Variants in PCDHGA6 observed in about 807,000 individuals in gnomAD.
PCDHGA6 encodes the protein protocadherin gamma-A6.
In PCDHGA6, 41 loss-of-function variants were observed where a neutral mutation model predicts 60.6. That is an observed-to-expected ratio of 0.68 (90% CI 0.53 to 0.88). The LOEUF is 0.88. Ranked by LOEUF, PCDHGA6 falls within the 40% of genes least tolerant of loss-of-function variation. PCDHGA6 has a pLI of 0.00. For synonymous variants in PCDHGA6, 594 were observed against 524.4 expected (o/e 1.13, Z -1.81); for missense variants, 1,312 against 1,203.0 (o/e 1.09, Z -1.34).
At position 141,486,641 on chromosome 5, in the gene PCDHGA6, A is replaced by C; in HGVS notation, c.2425-8166A>C. On this transcript the variant is annotated intron_variant, in intron 1 of 3. Transcript: ENST00000517434. The surrounding 1 kb of genome is among the most constrained non-coding windows in gnomAD (Gnocchi z 5.0). ...CCCAGACTCTGGCTTGAATGCGCTTATCTCCTACTCACTCCTGGAGCCCAG... is the reference window on the plus strand; with the variant it reads ...CCCAGACTCTGGCTTGAATGCGCTTCTCTCCTACTCACTCCTGGAGCCCAG... 6.2e-7 allele frequency: 1 copy of C among 1,613,734 alleles called. No individual in the cohort carries two copies. The highest frequency in any genetic ancestry group is 1.6e-4 in the Middle Eastern group (1 of 6,062).
intron 1 of PCDHGA6, among the ~76,000 whole-genome samples, chr5:141,380,010 C>T (rs1404064282): frequency 6.7e-6 from 1 of 148,282 alleles, no homozygotes; most frequent in Admixed American, 6.9e-5. Flanking sequence ...AGCGATTCTC[C>T]TGCCTCAGCC....
intron 1 of PCDHGA6, among the ~76,000 whole-genome samples, chr5:141,460,070 T>C (rs547558436): frequency 2.0e-5 from 3 of 152,202 alleles, no homozygotes; most frequent in South Asian, 2.1e-4. Flanking sequence ...AGAGTGAGAC[T>C]TCATCTAAAA....
intron 1 of PCDHGA6, chr5:141,389,977 C>T: frequency 6.2e-7 from 1 of 1,614,054 alleles, no homozygotes; most frequent in South Asian, 1.1e-5. Flanking sequence ...GCCTTGATCT[C>T]AGTGCTCTTC....
chr5:141,403,040 C>CA (rs1195249780), intron 1 of PCDHGA6: 1 of 1,613,950 alleles, frequency 6.2e-7, no homozygotes, highest in Non-Finnish European at 8.5e-7. Flanking sequence ...CAGGGCCAGT[C>CA]AGATTCGCTA....
At chr5:141,401,322 A>G (rs2094140521) in intron 1 of PCDHGA6, among the ~76,000 whole-genome samples, 1 of 152,218 alleles carries the variant, frequency 6.6e-6, no homozygotes, top group African/African-American at 2.4e-5. Flanking sequence ...AGCCTGGGCA[A>G]CAAGAGCAAA....
chr5:141,478,635 A>T, intron 1 of PCDHGA6: 1 of 1,552,830 alleles, frequency 6.4e-7, no homozygotes, highest in Non-Finnish European at 8.7e-7. Context: ...TTTTTTAGTG[A>T]TGAAGATGTT....
At position 141,375,832 on chromosome 5, in the gene PCDHGA6, G is replaced by A. The variant is rs1771947844; in HGVS notation, c.1749G>A (p.Glu583=). Residue 583 remains glutamate (E), a synonymous_variant, in exon 1 of 4, where the codon GAG becomes GAA. Transcript: ENST00000517434. The stretch of plus-strand genomic sequence containing the variant: ...TGGAGCTGGCGCCCCGCTCCGCAGA[G>A]CCCGGCTACCTGGTGACCAAGGTGG... ...TGVELAPRSA[E]PGYLVTKVVA... is the part of the protein sequence containing the mutation. 2.5e-6 allele frequency: 4 copies of A among 1,614,028 alleles called. No homozygotes were observed. Among genetic ancestry groups the A allele is most frequent in the Non-Finnish European group, 3.4e-6 (4 of 1,180,046 alleles).
At chr5:141,502,525 G>A (rs1258704254) in intron 2 of PCDHGA6, among the ~76,000 whole-genome samples, 1 of 152,074 alleles carries the variant, frequency 6.6e-6, no homozygotes, top group Non-Finnish European at 1.5e-5. Flanking sequence ...CAGTGATGCC[G>A]AGTTTGTTCG....
chr5:141,405,103 G>A (rs368202826), intron 1 of PCDHGA6: 2 of 1,613,922 alleles, frequency 1.2e-6, no homozygotes, highest in Non-Finnish European at 1.7e-6. Flanking sequence ...TCAGGCTGAG[G>A]CACTGGCACT....
chr5:141,507,849 C>CA (rs2099864208), intron 3 of PCDHGA6, among the ~76,000 whole-genome samples: 1 of 152,222 alleles, frequency 6.6e-6, no homozygotes, highest in African/African-American at 2.4e-5. Flanking sequence ...GCCCTGCTCT[C>CA]ACTTTCACAC....
At chr5:141,412,424 C>G (rs1383441983) in intron 1 of PCDHGA6, 1 of 152,136 alleles carries the variant, frequency 6.6e-6, no homozygotes, top group Non-Finnish European at 1.5e-5. Flanking sequence ...ATGTTTTACA[C>G]AAAAAGGTTA....
intron 1 of PCDHGA6, chr5:141,408,411 C>T (rs2095101928): frequency 1.2e-6 from 2 of 1,614,034 alleles, no homozygotes; most frequent in African/African-American, 1.3e-5. Context: ...CGAGTGAGCG[C>T]GGAGAAGCTG....
intron 1 of PCDHGA6, among the ~76,000 whole-genome samples, chr5:141,430,346 C>G (rs1191705310): frequency 6.8e-6 from 1 of 148,074 alleles, no homozygotes; most frequent in Non-Finnish European, 1.5e-5. Context: ...ACTTCCAATT[C>G]ATTTAAAAGC....
At chr5:141,390,355 T>C in intron 1 of PCDHGA6, 1 of 1,554,132 alleles carries the variant, frequency 6.4e-7, no homozygotes, top group Non-Finnish European at 8.8e-7. Flanking sequence ...AATATACATA[T>C]TTGCAGGAAA....
intron 2 of PCDHGA6, 76 bp from the exon 3 acceptor site, chr5:141,505,317 G>T: frequency 6.2e-7 from 1 of 1,603,092 alleles, no homozygotes. Flanking sequence ...AGGTTTGGGA[G>T]CCCTGGGAGA....
intron 1 of PCDHGA6, chr5:141,394,441 G>A (rs1161641966): frequency 6.2e-7 from 1 of 1,614,236 alleles, no homozygotes; most frequent in Admixed American, 1.7e-5. Flanking sequence ...CCGCCCCTCA[G>A]CAGCAACATG....
In PCDHGA6 at chr5:141,394,083, G is replaced by A. The variant is rs146481056; in HGVS notation, c.2424+17576G>A. The A allele has an allele frequency of 3.1e-6, 5 of 1,613,826 alleles. No individual in the cohort carries two copies. The East Asian group carries it at 6.7e-5, about 22-fold the overall frequency. On this transcript the variant is annotated intron_variant, in intron 1 of 3. Transcript: ENST00000517434. ...CTCTATCTACAATATCACAGTGATG[G>A]CCTCAGATCTAGGAACACCACCTCT... is the stretch of plus-strand genomic sequence containing the variant.
intron 1 of PCDHGA6, among the ~76,000 whole-genome samples, chr5:141,467,590 A>T (rs2099146863): frequency 6.6e-6 from 1 of 152,214 alleles, no homozygotes; most frequent in African/African-American, 2.4e-5. Context: ...AATGCCATTT[A>T]TTAAGCACTT....
chr5:141,423,006 T>A, intron 1 of PCDHGA6: 2 of 1,614,198 alleles, frequency 1.2e-6, no homozygotes, highest in Non-Finnish European at 1.7e-6. Context: ...CCAAGGTGGT[T>A]GCGGTGGACA....
Sources: gnomAD v4.1 joint callset for allele counts (sites outside exome capture counted in the v4.1 genomes callset) on GRCh38, gnomAD v4.1.1 for gene constraint, Gnocchi (gnomAD v3.1) non-coding constraint, MANE v1.5 for transcripts, NCBI Gene and HGNC (gene_info 2026-07-23, HGNC 2026-07-21) for gene names.